The following OGDHL variants were observed in gnomAD, a reference collection of about 807,000 sequenced individuals.
The protein encoded by OGDHL is oxoglutarate dehydrogenase L.
OGDHL carries 79 observed loss-of-function variants against 109.6 expected under a neutral mutation model. The ratio of observed to expected loss-of-function variants is 0.72; its 90% CI spans 0.60 to 0.87. The LOEUF (loss-of-function observed/expected upper bound fraction) is 0.87. Among genes scored for constraint, OGDHL ranks in the 40% least tolerant of loss-of-function variants. OGDHL has a pLI of 0.00. For missense variants in OGDHL, 1,275 were observed against 1,362.2 expected, an observed-to-expected ratio of 0.94 and a Z score of 1.01; for synonymous variants, 528 against 537.2, an observed-to-expected ratio of 0.98 and a Z score of 0.24.
At chr10:49,742,553 G>A (rs1484228914) in intron 15 of OGDHL, among the ~76,000 whole-genome samples, 17 of 53,962 alleles carry the variant, frequency 3.2e-4, no homozygotes, top group African/African-American at 9.1e-4. Context: ...CACACAACTC[G>A]CCCACACTCA....
rs559664847 is a variant in OGDHL, at chr10:49,735,988, C to T, written c.2909+35G>A. The T allele has an allele frequency of 2.1e-5, 33 of 1,535,498 alleles. No homozygotes were observed. In the South Asian group the frequency reaches 3.0e-4, roughly 14 times the overall value. On this transcript the variant is annotated intron_variant, in intron 22 of 22. Transcript: ENST00000374103. ...TGGAGCCAGGACAGAGCCTCAGGGC[C>T]GAGGTGAGGGGCAATCAGCGGCCCC...
chr10:49,746,476 A>G (rs1367950938), intron 10 of OGDHL, among the ~76,000 whole-genome samples: 1 of 152,218 alleles, frequency 6.6e-6, no homozygotes, highest in Non-Finnish European at 1.5e-5. Context: ...CCCTGTGTCT[A>G]AGATTGCCCA....
At chr10:49,742,699 C>T (rs1841870932) in intron 15 of OGDHL, 129 bp downstream of exon 15, 1 of 1,243,418 alleles carries the variant, frequency 8.0e-7, no homozygotes, top group East Asian at 2.6e-5. Context: ...TCTGATGATG[C>T]CACCTGAGGG....
At position 49,749,750 on chromosome 10, in the gene OGDHL, G is replaced by A; in HGVS notation, c.963C>T (p.Asp321=). The change falls in exon 8 of 23, where the codon GAC becomes GAT. Residue 321 remains aspartate (D), a synonymous_variant. Coordinates refer to ENST00000374103, the MANE Select transcript of OGDHL (RefSeq NM_018245.3). ...KDLEQIFCQF[D]PKLEAADEGS... ...CCTCGTCCGCCGCCTCCAGCTTGGG[G>A]TCAAACTGGCAGAAGATCTGCTCCA... 6.3e-7 allele frequency: 1 copy of A among 1,598,966 alleles called. No homozygotes were observed. Among genetic ancestry groups the A allele is most frequent in the Non-Finnish European group, 8.5e-7 (1 of 1,176,404 alleles).
At position 49,750,993 on chromosome 10, in the gene OGDHL, G is replaced by C. The variant is rs368690604; in HGVS notation, c.750-8C>G. The C allele has an allele frequency of 5.0e-6, 8 of 1,588,340 alleles. No individual in the cohort carries two copies. In the African/African-American group the frequency reaches 9.4e-5, roughly 19 times the overall value. Reference sequence around the variant, plus strand: ...GCCAGGAAGTCTTCAAACCTGCTTGGGGAGAGGATGGGAAGAGGAAAGGGA... The same window carrying C: ...GCCAGGAAGTCTTCAAACCTGCTTGCGGAGAGGATGGGAAGAGGAAAGGGA... On this transcript the variant is annotated splice_region_variant and splice_polypyrimidine_tract_variant and intron_variant, in intron 6 of 22. Coordinates refer to ENST00000374103, the MANE Select transcript of OGDHL (RefSeq NM_018245.3).
intron 10 of OGDHL, 120 bp from the exon 11 acceptor site, chr10:49,746,097 G>T: frequency 8.8e-7 from 1 of 1,131,918 alleles, no homozygotes; most frequent in Non-Finnish European, 1.2e-6. Flanking sequence ...CAGGAGGAAT[G>T]TGGGACACAA....
Position 49,750,904 on chromosome 10 carries a change from GAGGGC to G in OGDHL, c.826_830del (p.Ala276GlnfsTer13). 6.2e-7 allele frequency: 1 copy of G among 1,612,700 alleles called. No individual in the cohort carries two copies. Among genetic ancestry groups the G allele is most frequent in the Non-Finnish European group, 8.5e-7 (1 of 1,179,352 alleles). On this transcript the variant is annotated frameshift_variant, in exon 7 of 23. Transcript: ENST00000374103. LOFTEE classifies it high-confidence loss of function. ...CGCTGGATTTGTCGATGATGGTCTT[GAGGGC>G]AGGAATCATCACTTCACAGCCCTCC...
chr10:49,759,580 G>A (rs774056278), intron 1 of OGDHL, among the ~76,000 whole-genome samples: 1 of 152,148 alleles, frequency 6.6e-6, no homozygotes, highest in African/African-American at 2.4e-5. Context: ...AGGCAGGTTA[G>A]GGGTTGATAG....
At position 49,747,066 on chromosome 10, in the gene OGDHL, G is replaced by T. The variant is rs1421073466; in HGVS notation, c.1130C>A (p.Ala377Glu). 1 of 1,614,202 alleles carries T rather than the reference G, an allele frequency of 6.2e-7. No individual in the cohort carries two copies. Among genetic ancestry groups the T allele is most frequent in the African/African-American group, 1.3e-5 (1 of 75,042 alleles). ...VDPVVQGKTK[A>E]EQFYRGDAQG... ...GGCATCTCCACGGTAGAACTGCTCT[G>T]CCTTTGTCTTCCCCTGCACCACAGG... is the stretch of plus-strand genomic sequence containing the variant. The change falls in exon 9 of 23, where the codon GCA becomes GAA. Residue 377 changes from alanine to glutamate, a missense_variant. Coordinates refer to ENST00000374103, the MANE Select transcript of OGDHL (RefSeq NM_018245.3).
chr10:49,736,354 C>T lies in OGDHL; in HGVS notation c.2754+3G>A, dbSNP rs985627668. ...CTTGACTGTACAAGGGGTTCAGGCA[C>T]ACCTGCTCCAGGCGCGTGATGGCCA... On this transcript the variant is annotated splice_donor_region_variant and intron_variant, in intron 21 of 22. Transcript: ENST00000374103. The T allele has an allele frequency of 6.2e-7, 1 of 1,614,002 alleles. No homozygotes were observed. Among genetic ancestry groups the T allele is most frequent in the Non-Finnish European group, 8.5e-7 (1 of 1,179,998 alleles).
rs1341689510 is a variant in OGDHL at position 49,747,038 on chromosome 10, C to T, written c.1158G>A (p.Gln386=). ...KAEQFYRGDA[Q]GKKVMSILVH... is the part of the protein sequence containing the mutation. ...CCCCAGGTGAGCTCACCTTCTTGCC[C>T]TGGGCATCTCCACGGTAGAACTGCT... Residue 386 remains glutamine, a synonymous_variant, in exon 9 of 23, where the codon CAG becomes CAA. Coordinates refer to ENST00000374103, the MANE Select transcript of OGDHL (RefSeq NM_018245.3). 1.9e-6 allele frequency: 3 copies of T among 1,614,016 alleles called. No homozygotes were observed. In the Admixed American group the frequency reaches 5.0e-5, roughly 27 times the overall value.
intron 10 of OGDHL, 55 bp downstream of exon 10, chr10:49,746,695 T>C: frequency 6.2e-7 from 1 of 1,601,284 alleles, no homozygotes; most frequent in Non-Finnish European, 8.5e-7. Context: ...AGCTACTGCC[T>C]GGATTTCCAG....
In OGDHL at chr10:49,745,671, G is replaced by A. The variant is rs1842127254; in HGVS notation, c.1476+127C>T. 7 of 1,313,182 alleles carry A rather than the reference G, an allele frequency of 5.3e-6. No individual in the cohort carries two copies. In the South Asian group the frequency reaches 9.7e-5, roughly 18 times the overall value. 81.3% of individuals were successfully genotyped at this position (1,313,182 alleles called of 1,614,324 possible). A position where few individuals can be genotyped will look rare whatever the true frequency, so the allele number is the denominator to read the frequency against. ...CAGGCCTTTGCACAGATTGCTCTTG[G>A]TGGCATAAATCTCTCATCCAAGAAG... On this transcript the variant is annotated intron_variant, in intron 11 of 22. Transcript: ENST00000374103.
intron 21 of OGDHL, 35 bp downstream of exon 21, chr10:49,736,322 C>A (rs769657351): frequency 5.6e-6 from 9 of 1,610,600 alleles, no homozygotes; most frequent in Non-Finnish European, 7.6e-6. Context: ...CGTGAGCTTG[C>A]CCATCACTTG....
At chr10:49,760,878 G>A (rs996705469) in intron 1 of OGDHL, among the ~76,000 whole-genome samples, 3 of 152,350 alleles carry the variant, frequency 2.0e-5, no homozygotes, top group South Asian at 2.1e-4. Context: ...CTCTGCCAGC[G>A]CCACTCCCAC....
chr10:49,738,201 T>A lies in OGDHL; in HGVS notation c.2381A>T (p.Asp794Val), dbSNP rs1196658326. 6.2e-7 allele frequency: 1 copy of A among 1,614,004 alleles called. No homozygotes were observed. Among genetic ancestry groups the A allele is most frequent in the African/African-American group, 1.3e-5 (1 of 75,004 alleles). The change falls in exon 18 of 23, where the codon GAT becomes GTT. Residue 794 changes from aspartate (D) to valine (V), a missense_variant. Physicochemically the swap from Asp to Val is radical, Grantham distance 152 (BLOSUM62 -3). Transcript: ENST00000374103. ...RFLQMSNDDS[D>V]AYPAFTKDFE... ...AGCAGCAACACTCACAGGGTAGGCA[T>A]CCGAGTCATCATTGCTCATCTGCAG... is the stretch of plus-strand genomic sequence containing the variant.
chr10:49,736,299 C>T, intron 21 of OGDHL, 58 bp downstream of exon 21: 1 of 1,602,132 alleles, frequency 6.2e-7, no homozygotes, highest in African/African-American at 1.3e-5. Flanking sequence ...TTGGCCAGAG[C>T]CGGGGCCAGC....
chr10:49,745,010 C>A (rs1283037274), intron 12 of OGDHL, among the ~76,000 whole-genome samples: 1 of 152,198 alleles, frequency 6.6e-6, no homozygotes, highest in Non-Finnish European at 1.5e-5. Context: ...TAGTCCTTGC[C>A]CTCAGAGCTC....
At position 49,745,424 on chromosome 10, in the gene OGDHL, T is replaced by A. The variant is rs149592067; in HGVS notation, c.1549A>T (p.Ile517Phe). ...TTCAGCACAGGCACCTGTCTGTGGATCTGCTTGTACATGAGCGGCTGGGTG... is the reference window on the plus strand; with the variant it reads ...TTCAGCACAGGCACCTGTCTGTGGAACTGCTTGTACATGAGCGGCTGGGTG... ...MFTQPLMYKQ[I>F]HRQVPVLKKY... The change falls in exon 12 of 23, where the codon ATC becomes TTC. Residue 517 changes from isoleucine to phenylalanine, a missense_variant. Transcript: ENST00000374103. The A allele has an allele frequency of 1.9e-6, 3 of 1,614,022 alleles. No individual in the cohort carries two copies. The highest frequency in any genetic ancestry group is 2.5e-6 in the Non-Finnish European group (3 of 1,180,036).
Sources: gnomAD v4.1 joint callset for allele counts (sites outside exome capture counted in the v4.1 genomes callset) on GRCh38, gnomAD v4.1.1 for gene constraint, MANE v1.5 for transcripts, NCBI Gene and HGNC (gene_info 2026-07-23, HGNC 2026-07-21) for gene names.